Variants in SAMSN1 observed in about 807,000 individuals in gnomAD.
SAMSN1 encodes SAM domain-containing protein SAMSN-1.
Under a neutral mutation model 42.0 loss-of-function variants are expected in SAMSN1, and 31 were observed. That is an observed-to-expected ratio of 0.74 (90% confidence interval 0.55 to 1.00). The LOEUF (loss-of-function observed/expected upper bound fraction) is 1.00, where lower values mean the gene tolerates loss of function less well. Among genes scored for constraint, SAMSN1 ranks in the 50% least tolerant of loss-of-function variants. The pLI, the probability that SAMSN1 is intolerant of heterozygous loss-of-function variation, is 0.00. For synonymous variants in SAMSN1, 178 were observed against 151.9 expected (o/e 1.17, Z -1.26); for missense variants, 464 against 439.4 (o/e 1.06, Z -0.50).
intron 2 of SAMSN1, among the ~76,000 whole-genome samples, chr21:14,519,156 T>C (rs2123027906): frequency 6.6e-6 from 1 of 152,278 alleles, no homozygotes; most frequent in Admixed American, 6.5e-5. Context: ...TCTTCCCCTA[T>C]AGACTCCAGG....
At chr21:14,551,318 T>C (rs946775225) in intron 2 of SAMSN1, among the ~76,000 whole-genome samples, 4 of 152,062 alleles carry the variant, frequency 2.6e-5, no homozygotes, top group African/African-American at 9.7e-5. Flanking sequence ...ACCAATGGCC[T>C]AAGATGAATG....
At chr21:14,632,638 CAT>C (rs1983360012) in intron 2 of SAMSN1, among the ~76,000 whole-genome samples, 1 of 151,982 alleles carries the variant, frequency 6.6e-6, no homozygotes, top group African/African-American at 2.4e-5. Flanking sequence ...TTAAAAAATA[CAT>C]GTTTATTATC....
At chr21:14,557,073 G>A (rs533374044) in intron 2 of SAMSN1, among the ~76,000 whole-genome samples, 2 of 152,248 alleles carry the variant, frequency 1.3e-5, no homozygotes, top group South Asian at 4.2e-4. Context: ...AGTGGCCCCT[G>A]CAAGCAGTGA....
In SAMSN1 at chr21:14,541,187, G is replaced by T. The variant is rs369892442; in HGVS notation, c.57+5018C>A. 1.8e-3 allele frequency among the ~76,000 whole-genome samples: 269 copies of T among 151,996 alleles called. 2 individuals are homozygous for T. The highest frequency in any genetic ancestry group is 6.1e-3 in the African/African-American group (251 of 41,440). On this transcript the variant is annotated intron_variant, in intron 1 of 7. Transcript: ENST00000400566. Reference sequence around the variant, plus strand: ...AAGAGAAATACCTAATGTAAATGACGAGTTAATGGTTGCAGCTCACCAACA... The same window carrying T: ...AAGAGAAATACCTAATGTAAATGACTAGTTAATGGTTGCAGCTCACCAACA...
intron 3 of SAMSN1, chr21:14,615,834 T>A: frequency 3.3e-6 from 1 of 305,116 alleles, no homozygotes. Flanking sequence ...AGCAAAGCAA[T>A]CCACATCTAG....
upstream of SAMSN1, among the ~76,000 whole-genome samples, chr21:14,547,618 G>A (rs1031729484): frequency 6.6e-6 from 1 of 152,064 alleles, no homozygotes; most frequent in African/African-American, 2.4e-5. Context: ...TTCTTAATCA[G>A]CAGCTTTTCC....
chr21:14,582,074 T>G lies in SAMSN1; in HGVS notation c.261+62A>C. ...ACTGATTAGCACTTTTGCTATCTGTTTCTTTCCCGACAGTACAAAACCCCA... is the reference window on the plus strand; with the variant it reads ...ACTGATTAGCACTTTTGCTATCTGTGTCTTTCCCGACAGTACAAAACCCCA... On this transcript the variant is annotated intron_variant, in intron 2 of 8. Coordinates refer to the SAMSN1 transcript ENST00000285670. 3 of 1,395,352 alleles carry G rather than the reference T, an allele frequency of 2.2e-6. No individual in the cohort carries two copies. The South Asian group carries it at 4.6e-5, about 21-fold the overall frequency. The allele number at this position is 1,395,352 out of a possible 1,614,324, so 86.4% of individuals were successfully genotyped here.
At chr21:14,486,154 C>A (rs749773409) in intron 7 of SAMSN1, 40 bp from the exon 8 acceptor site, 2 of 1,413,536 alleles carry the variant, frequency 1.4e-6, no homozygotes, top group Admixed American at 1.8e-5. Flanking sequence ...GGTAAAGCAA[C>A]ACAAAATCTT....
intron 6 of SAMSN1, chr21:14,594,806 A>G (rs1982206998): frequency 6.6e-6 from 1 of 152,208 alleles, no homozygotes; most frequent in Non-Finnish European, 1.5e-5. Flanking sequence ...GGAATGTAAT[A>G]CACAATATGA....
At chr21:14,578,224 GA>G (rs1981571220) in intron 2 of SAMSN1, among the ~76,000 whole-genome samples, 1 of 152,144 alleles carries the variant, frequency 6.6e-6, no homozygotes, top group South Asian at 2.1e-4. Context: ...GAGTAGGACT[GA>G]AACCACCTTA....
intron 5 of SAMSN1, among the ~76,000 whole-genome samples, chr21:14,609,065 C>A (rs1400501283): frequency 1.3e-5 from 2 of 151,998 alleles, no homozygotes; most frequent in African/African-American, 2.4e-5. Context: ...TATTCATAAT[C>A]AAGGTTATTT....
chr21:14,555,147 C>G (rs2123185896), intron 2 of SAMSN1, among the ~76,000 whole-genome samples: 1 of 152,278 alleles, frequency 6.6e-6, no homozygotes, highest in South Asian at 2.1e-4. Flanking sequence ...AAAGGCTGAG[C>G]CTCTCAGGGC....
At chr21:14,534,302 A>C (rs140451934) in intron 1 of SAMSN1, among the ~76,000 whole-genome samples, 2,234 of 152,294 alleles carry the variant, frequency 0.015, 25 homozygotes, top group Middle Eastern at 0.048. Flanking sequence ...ACGGAATCTG[A>C]AAGTCAGGTA....
intron 4 of SAMSN1, among the ~76,000 whole-genome samples, chr21:14,611,961 A>T (rs895098617): frequency 1.3e-5 from 2 of 152,200 alleles, no homozygotes; most frequent in Admixed American, 1.3e-4. Context: ...GAGGCCAGGC[A>T]TGGTGGCTCA....
chr21:14,587,178 TCAC>T (rs1273079096), upstream of SAMSN1, among the ~76,000 whole-genome samples: 1 of 152,200 alleles, frequency 6.6e-6, no homozygotes, highest in African/African-American at 2.4e-5. Flanking sequence ...CATCTTTACT[TCAC>T]CATCTTTTAT....
intron 4 of SAMSN1, among the ~76,000 whole-genome samples, chr21:14,510,794 C>T (rs1987657022): frequency 6.6e-6 from 1 of 152,204 alleles, no homozygotes; most frequent in African/African-American, 2.4e-5. Flanking sequence ...AAGTTCCCTA[C>T]AATTTCCTCC....
At chr21:14,504,801 G>T (rs922576948) in intron 5 of SAMSN1, among the ~76,000 whole-genome samples, 1 of 152,168 alleles carries the variant, frequency 6.6e-6, no homozygotes, top group Admixed American at 6.5e-5. Flanking sequence ...TTGTCATCAG[G>T]TTATCTGAAG....
chr21:14,611,504 G>A (rs541066852), intron 4 of SAMSN1, among the ~76,000 whole-genome samples: 5 of 152,296 alleles, frequency 3.3e-5, no homozygotes, highest in African/African-American at 1.2e-4. Flanking sequence ...CATATGTTTT[G>A]ATTATAGAAA....
rs193066394 is a variant in SAMSN1, at chr21:14,622,477, A to G, written c.157-6461T>C. On this transcript the variant is annotated intron_variant, in intron 2 of 15. Coordinates refer to the SAMSN1 transcript ENST00000647101. Reference sequence around the variant, plus strand: ...GGTACAAGAACTACGTGACGAATCCACAAGTTTCAGTAGCCAATTCAATCA... The same window carrying G: ...GGTACAAGAACTACGTGACGAATCCGCAAGTTTCAGTAGCCAATTCAATCA... Among the ~76,000 whole-genome samples, 124 of 152,384 alleles carry G rather than the reference A, an allele frequency of 8.1e-4. 2 individuals carry two copies. The South Asian group carries it at 0.011, about 13-fold the overall frequency.
Sources: allele counts gnomAD v4.1 joint callset (sites outside exome capture counted in the v4.1 genomes callset), GRCh38; gene constraint gnomAD v4.1.1; transcripts MANE v1.5; gene names NCBI Gene and HGNC (gene_info 2026-07-23, HGNC 2026-07-21).